Variants in PTK2 observed in about 807,000 individuals in gnomAD.
The protein encoded by PTK2 is focal adhesion kinase 1.
A neutral mutation model predicts 150.1 loss-of-function variants in PTK2; 45 were observed. The ratio of observed to expected loss-of-function variants is 0.30; its 90% CI spans 0.24 to 0.38. The LOEUF is 0.38. Ranked by LOEUF, PTK2 falls within the 10% of genes least tolerant of loss-of-function variation. The probability of loss-of-function intolerance (pLI) is 1.00; values close to 1 mark genes in which losing one functional copy is unlikely to be tolerated. For missense variants in PTK2, 919 were observed against 1,307.3 expected, an observed-to-expected ratio of 0.70 and a Z score of 4.58; for synonymous variants, 432 against 449.2, an observed-to-expected ratio of 0.96 and a Z score of 0.48.
chr8:140,659,486 C>G (rs1241735984), exon 32 of PTK2: 1 of 1,612,686 alleles, frequency 6.2e-7, no homozygotes, highest in African/African-American at 1.3e-5. Flanking sequence ...CTCGTCTGCC[C>G]AAGCATTTTC....
chr8:140,785,215 T>A (rs1375928618), intron 14 of PTK2, among the ~76,000 whole-genome samples: 1 of 152,196 alleles, frequency 6.6e-6, no homozygotes, highest in African/African-American at 2.4e-5. Flanking sequence ...GTCCAAATAT[T>A]CCTGCCTTTC....
chr8:140,891,685 G>C (rs1218113667), intron 2 of PTK2, among the ~76,000 whole-genome samples: 3 of 152,186 alleles, frequency 2.0e-5, no homozygotes, highest in African/African-American at 7.2e-5. Context: ...AAGGAAGGGT[G>C]GAGACTGTGT....
At chr8:140,818,470 T>TA (rs1208817989) in intron 9 of PTK2, 116 bp from the exon 10 acceptor site, 2 of 823,658 alleles carry the variant, frequency 2.4e-6, no homozygotes, top group Non-Finnish European at 2.0e-6. Context: ...GGTTTGCTAT[T>TA]AATCTATCTA....
At chr8:140,674,477 T>A in intron 28 of PTK2, 73 bp from the exon 32 acceptor site, 1 of 1,352,752 alleles carries the variant, frequency 7.4e-7, no homozygotes, top group Non-Finnish European at 1.0e-6. Flanking sequence ...CAGTGGCTCA[T>A]GCCTATAATC....
chr8:140,842,112 G>A (rs759774734), intron 7 of PTK2, among the ~76,000 whole-genome samples: 1 of 152,066 alleles, frequency 6.6e-6, no homozygotes, highest in Non-Finnish European at 1.5e-5. Flanking sequence ...TGCATTGAAT[G>A]TGCACACAAG....
chr8:140,729,587 C>T (rs1319764880), intron 22 of PTK2, among the ~76,000 whole-genome samples: 1 of 152,208 alleles, frequency 6.6e-6, no homozygotes, highest in East Asian at 1.9e-4. Context: ...GTGATGCTGC[C>T]ATTCCTTTTA....
chr8:140,793,392 G>A lies in PTK2; in HGVS notation c.1094-8C>T. ...GCAAAGCCCGTTCACCTTCTGCGGG[G>A]AAAAAGAAAAGAGATGCATAAGGCT... is the stretch of plus-strand genomic sequence containing the variant. On this transcript the variant is annotated splice_region_variant and splice_polypyrimidine_tract_variant and intron_variant, in intron 12 of 31. Coordinates refer to ENST00000522684, the Ensembl canonical transcript of PTK2. 1 of 1,608,582 alleles carries A rather than the reference G, an allele frequency of 6.2e-7. No homozygotes were observed. Among genetic ancestry groups the A allele is most frequent in the Non-Finnish European group, 8.5e-7 (1 of 1,178,498 alleles).
At chr8:140,857,886 A>G (rs2100133697) in intron 5 of PTK2, among the ~76,000 whole-genome samples, 1 of 152,218 alleles carries the variant, frequency 6.6e-6, no homozygotes, top group Non-Finnish European at 1.5e-5. Context: ...GTTCAACAAA[A>G]CAAGAGTTCA....
At chr8:140,743,159 A>T in intron 20 of PTK2, 71 bp downstream of exon 23, 2 of 1,047,190 alleles carry the variant, frequency 1.9e-6, no homozygotes, top group Non-Finnish European at 2.9e-6. Flanking sequence ...TGAGCATATT[A>T]GAACATACTG....
chr8:140,907,390 C>T (rs778617310), intron 2 of PTK2, among the ~76,000 whole-genome samples: 1 of 152,128 alleles, frequency 6.6e-6, no homozygotes, highest in Admixed American at 6.6e-5. Flanking sequence ...AACAAGTTTC[C>T]GTTGAACATC....
chr8:140,796,526 G>C (rs2100091700), intron 12 of PTK2, among the ~76,000 whole-genome samples: 1 of 152,062 alleles, frequency 6.6e-6, no homozygotes, highest in South Asian at 2.1e-4. Flanking sequence ...TCTATTTCCT[G>C]AAAGAAAAAG....
At chr8:140,786,030 C>CT (rs1212266431) in intron 14 of PTK2, among the ~76,000 whole-genome samples, 1 of 152,132 alleles carries the variant, frequency 6.6e-6, no homozygotes, top group Non-Finnish European at 1.5e-5. Context: ...AATGTAAACT[C>CT]TATAAAGGGA....
intron 16 of PTK2, among the ~76,000 whole-genome samples, chr8:140,755,714 T>C (rs868468396): frequency 6.6e-5 from 10 of 152,146 alleles, no homozygotes; most frequent in Admixed American, 1.3e-4. Flanking sequence ...TAGAATTAAG[T>C]TATATCCCCC....
intron 8 of PTK2, among the ~76,000 whole-genome samples, chr8:140,824,435 T>G (rs2100110662): frequency 6.6e-6 from 1 of 152,164 alleles, no homozygotes; most frequent in Non-Finnish European, 1.5e-5. Flanking sequence ...GAAAACGATA[T>G]CATTCAGAGT....
intron 26 of PTK2, among the ~76,000 whole-genome samples, chr8:140,698,924 A>ATTTTTTT (rs10713722): frequency 2.0e-4 from 19 of 96,168 alleles, no homozygotes; most frequent in African/African-American, 5.6e-4. Context: ...TAATTTTTGT[A>ATTTTTTT]TTTTTTTTTT....
intron 2 of PTK2, among the ~76,000 whole-genome samples, chr8:140,922,419 GA>G (rs2100167837): frequency 5.3e-5 from 8 of 151,802 alleles, no homozygotes; most frequent in Admixed American, 5.3e-4. Flanking sequence ...TAGAATACAT[GA>G]AAAAATATCC....
rs188552528 is a variant in PTK2, at chr8:140,786,851, A to G, written c.1177+2623T>C. The stretch of plus-strand genomic sequence containing the variant: ...TATCACTAACTCTGAAAGTGAAACT[A>G]TTTTTATATGTAATGATGAAAAGAG... On this transcript the variant is annotated intron_variant, in intron 14 of 31. Coordinates refer to ENST00000522684, the Ensembl canonical transcript of PTK2. 6.0e-3 allele frequency among the ~76,000 whole-genome samples: 907 copies of G among 152,220 alleles called. 5 individuals are homozygous for G. The highest frequency in any genetic ancestry group is 0.01 in the Middle Eastern group (3 of 294).
chr8:140,989,529 T>TA (rs2100194822), intron 1 of PTK2, among the ~76,000 whole-genome samples: 1 of 149,322 alleles, frequency 6.7e-6, no homozygotes, highest in African/African-American at 2.5e-5. Context: ...ATTAATGAAT[T>TA]TAAAAAAAAA....
chr8:140,975,848 C>A (rs2100189089), intron 1 of PTK2, among the ~76,000 whole-genome samples: 1 of 152,162 alleles, frequency 6.6e-6, no homozygotes, highest in Non-Finnish European at 1.5e-5. Context: ...CAAGTCTATA[C>A]CTTCAGGGCT....
Sources: gnomAD v4.1 joint callset for allele counts (sites outside exome capture counted in the v4.1 genomes callset) on GRCh38, gnomAD v4.1.1 for gene constraint, MANE v1.5 for transcripts, NCBI Gene and HGNC (gene_info 2026-07-23, HGNC 2026-07-21) for gene names.